The following RANBP2 variants were observed in gnomAD, a reference collection of about 807,000 sequenced individuals.
The protein encoded by RANBP2 is RAN binding protein 2, also known as E3 SUMO-protein ligase RanBP2.
RANBP2 carries 57 observed loss-of-function variants against 303.6 expected under a neutral mutation model. The observed-to-expected ratio is 0.19, with a 90% CI of 0.15 to 0.23. The LOEUF (loss-of-function observed/expected upper bound fraction) is 0.23, where lower values mean the gene tolerates loss of function less well. Among genes scored for constraint, RANBP2 ranks in the 10% least tolerant of loss-of-function variants. RANBP2 has a pLI of 1.00. For missense variants in RANBP2, 3,138 were observed against 3,780.8 expected, an observed-to-expected ratio of 0.83 and a Z score of 4.46; for synonymous variants, 1,167 against 1,301.5, an observed-to-expected ratio of 0.90 and a Z score of 2.23.
the RANBP2 span, among the ~76,000 whole-genome samples, chr2:108,913,396 A>G: frequency 6.6e-6 from 1 of 152,338 alleles, no homozygotes; most frequent in Non-Finnish European, 1.5e-5. Flanking sequence ...AGCAACATAG[A>G]GTGTGTACAT....
At chr2:109,139,413 G>C in the RANBP2 span, among the ~76,000 whole-genome samples, 3 of 152,212 alleles carry the variant, frequency 2.0e-5, no homozygotes, top group East Asian at 3.9e-4. Context: ...AGTATGAAAG[G>C]TGAATGCTCT....
the RANBP2 span, among the ~76,000 whole-genome samples, chr2:109,473,351 A>G: frequency 1.3e-5 from 2 of 152,284 alleles, no homozygotes; most frequent in East Asian, 3.9e-4. Context: ...ACCAAGCACA[A>G]GTTGACATCG....
the RANBP2 span, among the ~76,000 whole-genome samples, chr2:109,273,816 A>C: frequency 6.6e-6 from 1 of 152,270 alleles, no homozygotes; most frequent in East Asian, 1.9e-4. Context: ...GCTTGAGACC[A>C]GGCTCAGCAT....
chr2:108,923,560 C>T, the RANBP2 span: 38 of 1,002,824 alleles, frequency 3.8e-5, no homozygotes, highest in Non-Finnish European at 5.2e-5. Flanking sequence ...ACAATCAAGT[C>T]GGGCATGAGG....
the RANBP2 span, among the ~76,000 whole-genome samples, chr2:109,069,715 A>G: frequency 2.6e-5 from 4 of 152,238 alleles, no homozygotes; most frequent in African/African-American, 7.2e-5. Flanking sequence ...TTACCTAGCA[A>G]CATAACACTT....
At chr2:109,437,860 C>T in the RANBP2 span, among the ~76,000 whole-genome samples, 5 of 152,118 alleles carry the variant, frequency 3.3e-5, no homozygotes, top group East Asian at 1.9e-4. Context: ...ATGCTGGATT[C>T]GCAGGATGAT....
chr2:109,112,419 C>T, the RANBP2 span, among the ~76,000 whole-genome samples: 1 of 152,152 alleles, frequency 6.6e-6, no homozygotes, highest in Non-Finnish European at 1.5e-5. Context: ...TTTTTGGCTG[C>T]ATAAATGTCT....
the RANBP2 span, among the ~76,000 whole-genome samples, chr2:109,727,013 G>C: frequency 1.6e-4 from 25 of 152,142 alleles, 1 homozygote; most frequent in Admixed American, 1.5e-3. Flanking sequence ...CTAACTTCAG[G>C]GGGCTACAGT....
At chr2:109,203,074 G>C in the RANBP2 span, among the ~76,000 whole-genome samples, 2 of 152,324 alleles carry the variant, frequency 1.3e-5, no homozygotes, top group South Asian at 4.1e-4. Flanking sequence ...GGCTACAGAA[G>C]CTCCGTCGAG....
At chr2:109,365,269 TG>T in the RANBP2 span, among the ~76,000 whole-genome samples, 3 of 152,188 alleles carry the variant, frequency 2.0e-5, no homozygotes, top group South Asian at 6.2e-4. Flanking sequence ...TTCACAAAGG[TG>T]TGGGCCCCCC....
the RANBP2 span, among the ~76,000 whole-genome samples, chr2:109,155,278 T>C: frequency 6.6e-6 from 1 of 152,136 alleles, no homozygotes; most frequent in Admixed American, 6.5e-5. Flanking sequence ...TTTTAAGTGA[T>C]TATAGAGTTG....
the RANBP2 span, among the ~76,000 whole-genome samples, chr2:109,158,818 G>T: frequency 2.5e-4 from 38 of 152,192 alleles, no homozygotes; most frequent in Non-Finnish European, 4.3e-4. Context: ...ACCAGCCCTG[G>T]TCTACATGCT....
chr2:109,197,469 C>T, the RANBP2 span, among the ~76,000 whole-genome samples: 1 of 152,322 alleles, frequency 6.6e-6, no homozygotes, highest in South Asian at 2.1e-4. Flanking sequence ...TGAGGCTCTC[C>T]CCAACCCCAG....
the RANBP2 span, among the ~76,000 whole-genome samples, chr2:109,334,571 G>T: frequency 3.3e-5 from 5 of 152,114 alleles, no homozygotes; most frequent in African/African-American, 1.2e-4. Context: ...CTCCGGGGAT[G>T]CCAGGGATGG....
At chr2:109,640,972 A>G in the RANBP2 span, among the ~76,000 whole-genome samples, 29,076 of 152,106 alleles carry the variant, frequency 0.19, 3,458 homozygotes, top group African/African-American at 0.33. Context: ...AATGGAGGGT[A>G]GATCTTCGAG....
the RANBP2 span, among the ~76,000 whole-genome samples, chr2:108,946,956 A>G: frequency 6.6e-6 from 1 of 152,034 alleles, no homozygotes; most frequent in African/African-American, 2.4e-5. Context: ...AGTCTTACTG[A>G]CTCCAGCATT....
the RANBP2 span, among the ~76,000 whole-genome samples, chr2:109,630,359 C>T: frequency 3.9e-4 from 60 of 152,284 alleles, no homozygotes; most frequent in African/African-American, 9.4e-4. Flanking sequence ...CCCTAGCAGA[C>T]GGCTCCTCTA....
At chr2:109,249,906 G>A in the RANBP2 span, among the ~76,000 whole-genome samples, 1,259 of 150,888 alleles carry the variant, frequency 8.3e-3, 15 homozygotes, top group African/African-American at 0.029. Context: ...GGATGGTCTC[G>A]ATCTCCTGAC....
chr2:109,226,950 G>T, the RANBP2 span, among the ~76,000 whole-genome samples: 10 of 152,168 alleles, frequency 6.6e-5, no homozygotes, highest in African/African-American at 2.4e-4. Context: ...CACCATGGCC[G>T]GGTTCATGGC....
Sources: allele counts gnomAD v4.1 joint callset (sites outside exome capture counted in the v4.1 genomes callset), GRCh38; gene constraint gnomAD v4.1.1; transcripts MANE v1.5; gene names NCBI Gene and HGNC (gene_info 2026-07-23, HGNC 2026-07-21).